Variants in TET3 observed in about 807,000 individuals in gnomAD.
TET3 encodes tet methylcytosine dioxygenase 3.
TET3 carries 19 observed loss-of-function variants against 141.4 expected under a neutral mutation model. The observed-to-expected ratio is 0.13, with a 90% CI of 0.09 to 0.20. The LOEUF is 0.20. Among genes scored for constraint, TET3 ranks in the 10% least tolerant of loss-of-function variants. The pLI is 1.00. For missense variants in TET3, 1,874 were observed against 2,356.9 expected (o/e 0.80, Z 4.24); for synonymous variants, 1,043 against 980.9 (o/e 1.06, Z -1.18).
At chr2:74,058,014 TG>T (rs752464542) in intron 4 of TET3, among the ~76,000 whole-genome samples, 2 of 152,148 alleles carry the variant, frequency 1.3e-5, no homozygotes, top group African/African-American at 4.8e-5. Context: ...TCAGGGAAGT[TG>T]AAGAAAACAG....
chr2:74,092,648 A>T (rs556660833), intron 8 of TET3, among the ~76,000 whole-genome samples: 1 of 152,296 alleles, frequency 6.6e-6, no homozygotes, highest in African/African-American at 2.4e-5. Context: ...AGCCTGAAGG[A>T]GCAGTAGTTT....
Position 74,101,273 on chromosome 2 carries a change from T to C in TET3, c.4485T>C (p.Gly1495=). Residue 1495 remains glycine, a synonymous_variant, in exon 12 of 12, where the codon GGT becomes GGC. Transcript: ENST00000409262. This position sits in a 1 kb window ranked among gnomAD's most constrained non-coding sequence, Gnocchi z 8.5. ...ATGGCCAGTGGGGGCTGTTCCCCGG[T>C]GAGGGGCAGCAGGCAGCTTCCCACT... The part of the protein sequence containing the change: ...FTDGQWGLFP[G]EGQQAASHSG... The C allele has an allele frequency of 6.2e-7, 1 of 1,612,624 alleles. No homozygotes were observed. The highest frequency in any genetic ancestry group is 8.5e-7 in the Non-Finnish European group (1 of 1,179,422).
chr2:74,049,795 A>G (rs1221773445), intron 4 of TET3, among the ~76,000 whole-genome samples: 1 of 152,056 alleles, frequency 6.6e-6, no homozygotes, highest in Non-Finnish European at 1.5e-5. Context: ...GGTGGGTGAC[A>G]AGGAGTCACA....
intron 3 of TET3, among the ~76,000 whole-genome samples, chr2:74,006,040 T>G (rs1685134219): frequency 6.6e-6 from 1 of 152,002 alleles, no homozygotes; most frequent in Non-Finnish European, 1.5e-5. Flanking sequence ...TATTTTGGGA[T>G]TGTGCCCAGG....
At chr2:74,116,969 A>AGC in the TET3 span, among the ~76,000 whole-genome samples, 1 of 152,066 alleles carries the variant, frequency 6.6e-6, no homozygotes, top group Non-Finnish European at 1.5e-5. Flanking sequence ...GGAGGTGAGC[A>AGC]GCAACCAGGG....
chr2:74,001,415 C>T (rs755984870), intron 2 of TET3, among the ~76,000 whole-genome samples: 17 of 152,212 alleles, frequency 1.1e-4, no homozygotes, highest in Non-Finnish European at 1.6e-4. Flanking sequence ...ACCCAGTGAG[C>T]TCTTCCAGAA....
At chr2:73,989,521 C>T (rs1241157486) in intron 2 of TET3, among the ~76,000 whole-genome samples, 2 of 152,118 alleles carry the variant, frequency 1.3e-5, no homozygotes, top group Non-Finnish European at 2.9e-5. Context: ...GCTCCTCACT[C>T]TTTTTCTCTG....
intron 2 of TET3, among the ~76,000 whole-genome samples, chr2:73,987,858 G>T (rs1441819669): frequency 6.6e-6 from 1 of 152,222 alleles, no homozygotes; most frequent in African/African-American, 2.4e-5. Context: ...CTGGCAGCCC[G>T]TGCTCTGGGT....
the TET3 span, chr2:74,120,659 C>G: frequency 1.3e-5 from 2 of 152,294 alleles, no homozygotes; most frequent in Non-Finnish European, 2.9e-5. Flanking sequence ...CGAGTGGGAC[C>G]CACTTGCCTG....
At chr2:74,056,940 C>CT (rs1688252677) in intron 4 of TET3, among the ~76,000 whole-genome samples, 1 of 152,148 alleles carries the variant, frequency 6.6e-6, no homozygotes, top group Admixed American at 6.5e-5. Flanking sequence ...GAGAAATGGG[C>CT]TGGAAGATGG....
At chr2:74,085,003 A>C (rs891184808) in intron 6 of TET3, among the ~76,000 whole-genome samples, 1 of 152,136 alleles carries the variant, frequency 6.6e-6, no homozygotes, top group Non-Finnish European at 1.5e-5. Flanking sequence ...AGAGTTCCTT[A>C]ATGAACAGAG....
Position 74,107,342 on chromosome 2 carries a change from C to T in TET3, c.*5166C>T, listed in dbSNP as rs1691554855. On this transcript the variant is annotated 3_prime_UTR_variant, in exon 12 of 12. Coordinates refer to ENST00000409262, the MANE Select transcript of TET3 (RefSeq NM_001287491.2). ...GCCTAAGAATCAGCGAGCGATTTGG[C>T]CTACTTCCTCATTGGCTTCTATTCT... is the stretch of plus-strand genomic sequence containing the variant. 1 of 152,222 alleles carries T rather than the reference C, an allele frequency of 6.6e-6. No homozygotes were observed. The highest frequency in any genetic ancestry group is 1.5e-5 in the Non-Finnish European group (1 of 68,044). 9.4% of individuals were successfully genotyped at this position (152,222 alleles called of 1,614,324 possible). A position where few individuals can be genotyped will look rare whatever the true frequency, so the allele number is the denominator to read the frequency against.
At chr2:74,127,828 A>G in the TET3 span, among the ~76,000 whole-genome samples, 7 of 152,188 alleles carry the variant, frequency 4.6e-5, no homozygotes, top group Admixed American at 3.3e-4. Flanking sequence ...CAGCAGCGAC[A>G]ACAAACAGAT....
intron 3 of TET3, among the ~76,000 whole-genome samples, chr2:74,020,063 C>T (rs1188727622): frequency 6.6e-6 from 1 of 152,194 alleles, no homozygotes; most frequent in African/African-American, 2.4e-5. Flanking sequence ...CACCTTCTCT[C>T]ATATGGTAGT....
intron 3 of TET3, among the ~76,000 whole-genome samples, chr2:74,024,980 T>G (rs1056181782): frequency 1.3e-5 from 2 of 151,912 alleles, no homozygotes; most frequent in African/African-American, 4.8e-5. Context: ...TCCCAGCACT[T>G]TGGGAGGCCG....
At chr2:74,051,407 GA>G (rs1380843832) in intron 4 of TET3, among the ~76,000 whole-genome samples, 1 of 152,112 alleles carries the variant, frequency 6.6e-6, no homozygotes, top group Non-Finnish European at 1.5e-5. Context: ...TTAGAAAATG[GA>G]AAAAAGACTA....
At chr2:74,022,930 C>G (rs1482184906) in intron 3 of TET3, among the ~76,000 whole-genome samples, 1 of 152,156 alleles carries the variant, frequency 6.6e-6, no homozygotes, top group African/African-American at 2.4e-5. Context: ...CACTCGCCAT[C>G]ACGCCTGGCT....
intron 2 of TET3, among the ~76,000 whole-genome samples, chr2:73,994,638 C>CTTTTT (rs572235939): frequency 1.8e-3 from 171 of 96,534 alleles, no homozygotes; most frequent in Non-Finnish European, 2.3e-3. Flanking sequence ...TTCTTTCTTT[C>CTTTTT]TTTTTTTTTT....
At chr2:74,133,235 G>A in the TET3 span, among the ~76,000 whole-genome samples, 9 of 152,238 alleles carry the variant, frequency 5.9e-5, no homozygotes, top group Admixed American at 3.3e-4. Context: ...TCTTCAACCC[G>A]TCTGTCAATA....
Sources: allele counts gnomAD v4.1 joint callset (sites outside exome capture counted in the v4.1 genomes callset), GRCh38; gene constraint gnomAD v4.1.1; non-coding constraint Gnocchi (gnomAD v3.1); transcripts MANE v1.5; gene names NCBI Gene and HGNC (gene_info 2026-07-23, HGNC 2026-07-21).